DNM3: variants seen among roughly 807,000 people sequenced by gnomAD.
The protein encoded by DNM3 is dynamin-3.
DNM3 carries 47 observed loss-of-function variants against 101.6 expected under a neutral mutation model. That is an observed-to-expected ratio of 0.46 (90% CI 0.37 to 0.59). DNM3 has a LOEUF of 0.59. Among genes scored for constraint, DNM3 ranks in the 20% least tolerant of loss-of-function variants. The pLI, the probability that DNM3 is intolerant of heterozygous loss-of-function variation, is 0.00. For missense variants in DNM3, 849 were observed against 1,085.7 expected (o/e 0.78, Z 3.06); for synonymous variants, 385 against 387.9 (o/e 0.99, Z 0.09).
At chr1:172,071,105 A>ATATATATATATATATATATATATATG (rs2052144665) in intron 11 of DNM3, among the ~76,000 whole-genome samples, 1 of 135,512 alleles carries the variant, frequency 7.4e-6, no homozygotes, top group Admixed American at 7.4e-5. Context: ...ATATATATAT[A>ATATATATATATATATATATATATATG]TATATATATA....
chr1:172,291,450 C>A (rs933763508), intron 15 of DNM3, among the ~76,000 whole-genome samples: 2 of 152,016 alleles, frequency 1.3e-5, no homozygotes, highest in African/African-American at 4.8e-5. Flanking sequence ...GAAGGTTTGG[C>A]CTTCCATTAT....
intron 4 of DNM3, among the ~76,000 whole-genome samples, chr1:172,015,930 C>T (rs1214090628): frequency 6.6e-6 from 1 of 151,646 alleles, no homozygotes; most frequent in African/African-American, 2.4e-5. Context: ...AATCCCAGCA[C>T]TTTGGGAGGC....
intron 15 of DNM3, among the ~76,000 whole-genome samples, chr1:172,255,230 T>C (rs1369957791): frequency 6.6e-6 from 1 of 152,166 alleles, no homozygotes; most frequent in Non-Finnish European, 1.5e-5. Context: ...GAGCAGCTTA[T>C]GAAAACACAC....
At position 172,281,343 on chromosome 1, in the gene DNM3, C is replaced by T. The variant is rs1230981806; in HGVS notation, c.1770-27385C>T. Among the ~76,000 whole-genome samples, 6 of 152,078 alleles carry T rather than the reference C, an allele frequency of 3.9e-5. No individual in the cohort carries two copies. In the East Asian group the frequency reaches 5.8e-4, roughly 15 times the overall value. On this transcript the variant is annotated intron_variant, in intron 15 of 20. Coordinates refer to ENST00000627582, the MANE Select transcript of DNM3 (RefSeq NM_015569.5). Reference sequence around the variant, plus strand: ...TCCAGATGAACTCTACACTTGAAATCGATTTCTTTCTCCATGGTTCACAAA... The same window carrying T: ...TCCAGATGAACTCTACACTTGAAATTGATTTCTTTCTCCATGGTTCACAAA...
intron 15 of DNM3, among the ~76,000 whole-genome samples, chr1:172,308,453 G>A (rs1277773150): frequency 6.6e-6 from 1 of 152,148 alleles, no homozygotes; most frequent in East Asian, 1.9e-4. Context: ...CACACCCAGT[G>A]TATAATATTG....
At chr1:172,291,261 CGCATACATGTGCGT>C (rs1318081865) in intron 15 of DNM3, among the ~76,000 whole-genome samples, 4 of 146,084 alleles carry the variant, frequency 2.7e-5, no homozygotes, top group Admixed American at 6.9e-5. Flanking sequence ...TGTGTGCACA[CGCATACATGTGCGT>C]GTGTACACGT....
intron 1 of DNM3, among the ~76,000 whole-genome samples, chr1:171,879,655 G>T (rs372449546): frequency 3.9e-5 from 6 of 152,322 alleles, no homozygotes; most frequent in Non-Finnish European, 1.5e-5. Flanking sequence ...ACAGTGGACT[G>T]CGTGCCAGGG....
chr1:172,106,522 A>G (rs1296481094), intron 13 of DNM3, among the ~76,000 whole-genome samples: 5 of 152,154 alleles, frequency 3.3e-5, no homozygotes, highest in East Asian at 1.9e-4. Flanking sequence ...GAAATAATCT[A>G]TATAACAAAC....
intron 10 of DNM3, among the ~76,000 whole-genome samples, chr1:172,057,824 G>C (rs1303357742): frequency 6.7e-6 from 1 of 149,872 alleles, no homozygotes; most frequent in African/African-American, 2.5e-5. Context: ...ATAATGACAG[G>C]ATCAAATTCA....
chr1:172,099,293 T>C (rs1169302909), intron 13 of DNM3, among the ~76,000 whole-genome samples: 1 of 152,172 alleles, frequency 6.6e-6, no homozygotes, highest in Non-Finnish European at 1.5e-5. Flanking sequence ...GTCATCAACA[T>C]GCAGGGAGAT....
At chr1:172,211,654 A>G (rs968749313) in intron 14 of DNM3, among the ~76,000 whole-genome samples, 10 of 152,178 alleles carry the variant, frequency 6.6e-5, no homozygotes, top group African/African-American at 2.4e-4. Context: ...AATCTGATAC[A>G]TAATGTCTAG....
At chr1:171,932,459 C>A (rs1325947027) in intron 2 of DNM3, among the ~76,000 whole-genome samples, 1 of 151,984 alleles carries the variant, frequency 6.6e-6, no homozygotes, top group Non-Finnish European at 1.5e-5. Context: ...GCACTCCCCA[C>A]CCACCTCCTA....
intron 14 of DNM3, among the ~76,000 whole-genome samples, chr1:172,205,876 C>A (rs910227689): frequency 6.6e-6 from 1 of 152,064 alleles, no homozygotes; most frequent in Non-Finnish European, 1.5e-5. Flanking sequence ...GATACCCTAC[C>A]AATTAACTTT....
At chr1:172,370,769 C>G (rs1027489136) in intron 17 of DNM3, among the ~76,000 whole-genome samples, 1 of 151,882 alleles carries the variant, frequency 6.6e-6, no homozygotes, top group South Asian at 2.1e-4. Context: ...AACTCCATAC[C>G]ATATCATTTA....
intron 14 of DNM3, chr1:172,140,215 A>C (rs2057495611): frequency 6.6e-6 from 1 of 152,046 alleles, no homozygotes. Context: ...AGGTAAGGTA[A>C]TGTTTTAACA....
At chr1:171,901,376 G>C (rs982368306) in intron 1 of DNM3, among the ~76,000 whole-genome samples, 7 of 152,110 alleles carry the variant, frequency 4.6e-5, no homozygotes, top group Non-Finnish European at 1.0e-4. Flanking sequence ...GTGGAGCAAA[G>C]TTCCTCTAGA....
intron 14 of DNM3, chr1:172,139,220 C>CA (rs1466435399): frequency 7.9e-6 from 2 of 252,064 alleles, no homozygotes; most frequent in Non-Finnish European, 1.6e-5. Context: ...CACATGTAGT[C>CA]AGAGTTCAGC....
chr1:172,183,134 G>T (rs2059405501), intron 14 of DNM3, among the ~76,000 whole-genome samples: 1 of 152,100 alleles, frequency 6.6e-6, no homozygotes, highest in Admixed American at 6.6e-5. Flanking sequence ...GAAAGGGGAT[G>T]AGAAGATCAC....
chr1:172,028,559 A>T (rs2048371428), intron 4 of DNM3, among the ~76,000 whole-genome samples: 1 of 152,190 alleles, frequency 6.6e-6, no homozygotes, highest in South Asian at 2.1e-4. Context: ...AGAAGAAATA[A>T]CTAGGATAAG....
Sources: allele counts gnomAD v4.1 joint callset (sites outside exome capture counted in the v4.1 genomes callset), GRCh38; gene constraint gnomAD v4.1.1; transcripts MANE v1.5; gene names NCBI Gene and HGNC (gene_info 2026-07-23, HGNC 2026-07-21).